The following TRPM8 variants were observed in gnomAD, a reference collection of about 807,000 sequenced individuals.
TRPM8 encodes the protein TRPM8 cationic channel.
Under a neutral mutation model 133.7 loss-of-function variants are expected in TRPM8, and 110 were observed. The observed-to-expected ratio is 0.82, with a 90% CI of 0.70 to 0.96. The LOEUF (loss-of-function observed/expected upper bound fraction) is 0.96, where lower values mean the gene tolerates loss of function less well. TRPM8 is among the 40% of genes least tolerant of loss of function. The pLI is 0.00. For synonymous variants in TRPM8, 535 were observed against 532.3 expected (o/e 1.01, Z -0.07); for missense variants, 1,291 against 1,379.5 (o/e 0.94, Z 1.02).
At chr2:233,973,519 G>A (rs957953238) in intron 17 of TRPM8, among the ~76,000 whole-genome samples, 18 of 152,154 alleles carry the variant, frequency 1.2e-4, no homozygotes, top group African/African-American at 3.6e-4. Flanking sequence ...GACATTCGTC[G>A]TACTGGATCA....
intron 22 of TRPM8, among the ~76,000 whole-genome samples, chr2:234,005,468 C>G (rs1213954070): frequency 6.6e-6 from 1 of 152,070 alleles, no homozygotes; most frequent in Admixed American, 6.5e-5. Flanking sequence ...TTTAAGCACT[C>G]CTGTTGGACT....
At chr2:233,927,225 G>C (rs1000757529) in intron 2 of TRPM8, among the ~76,000 whole-genome samples, 1 of 152,218 alleles carries the variant, frequency 6.6e-6, no homozygotes, top group African/African-American at 2.4e-5. Context: ...TCGGGATAGC[G>C]GCTAGCTTTG....
intron 1 of TRPM8, among the ~76,000 whole-genome samples, chr2:233,925,899 G>C (rs1404117818): frequency 6.6e-6 from 1 of 152,046 alleles, no homozygotes; most frequent in Admixed American, 6.5e-5. Flanking sequence ...GAGAAAAACA[G>C]AGCAGGGACC....
intron 3 of TRPM8, among the ~76,000 whole-genome samples, 159 bp downstream of exon 3, chr2:233,930,900 T>C (rs1180261712): frequency 2.0e-5 from 3 of 152,230 alleles, no homozygotes; most frequent in African/African-American, 7.2e-5. Flanking sequence ...GCAAGGAGCT[T>C]ATAGTTGTTA....
chr2:233,960,802 T>C lies in TRPM8; in HGVS notation c.1389T>C (p.Phe463=). The C allele has an allele frequency of 1.9e-6, 3 of 1,614,198 alleles. No individual in the cohort carries two copies. The highest frequency in any genetic ancestry group is 2.5e-6 in the Non-Finnish European group (3 of 1,180,012). ...CTGCTGACCTTCAAGAAGTCATGTT[T>C]ACGGCTCTCATAAAGGACAGACCCA... ...WESADLQEVM[F]TALIKDRPKF... Residue 463 remains phenylalanine (F), a synonymous_variant, in exon 12 of 26, where the codon TTT becomes TTC. Coordinates refer to ENST00000324695, the MANE Select transcript of TRPM8 (RefSeq NM_024080.5).
chr2:233,955,067 C>G (rs771450140), intron 10 of TRPM8, 65 bp from the exon 11 acceptor site: 19 of 1,227,702 alleles, frequency 1.5e-5, no homozygotes, highest in Non-Finnish European at 2.0e-5. Context: ...ATTGGCCACA[C>G]TGAATGGTTC....
At chr2:233,952,447 G>C (rs1171071626) in intron 9 of TRPM8, among the ~76,000 whole-genome samples, 1 of 151,952 alleles carries the variant, frequency 6.6e-6, no homozygotes, top group African/African-American at 2.4e-5. Flanking sequence ...AGGATGGAGA[G>C]AGTTAACGAG....
intron 5 of TRPM8, among the ~76,000 whole-genome samples, chr2:233,940,384 G>A (rs1228266574): frequency 6.6e-6 from 1 of 151,666 alleles, no homozygotes; most frequent in Non-Finnish European, 1.5e-5. Context: ...GAACACTGTG[G>A]GTTGTCACTT....
At chr2:233,935,943 A>AT (rs775367396) in intron 3 of TRPM8, among the ~76,000 whole-genome samples, 5 of 151,924 alleles carry the variant, frequency 3.3e-5, no homozygotes, top group Non-Finnish European at 7.4e-5. Context: ...GTGTTTTTAG[A>AT]TTTTTTTTAA....
At chr2:233,986,249 G>A (rs1016062) in intron 21 of TRPM8, among the ~76,000 whole-genome samples, 23,570 of 152,098 alleles carry the variant, frequency 0.15, 2,034 homozygotes, top group East Asian at 0.42. Context: ...ATGGATTCTA[G>A]GATTACAGGA....
chr2:233,978,521 T>C (rs929898499), intron 17 of TRPM8, among the ~76,000 whole-genome samples: 1 of 152,210 alleles, frequency 6.6e-6, no homozygotes, highest in Non-Finnish European at 1.5e-5. Flanking sequence ...GTTCCTGGTT[T>C]TACAAAAACA....
At chr2:233,958,492 C>T (rs1387211888) in intron 11 of TRPM8, among the ~76,000 whole-genome samples, 1 of 152,156 alleles carries the variant, frequency 6.6e-6, no homozygotes, top group African/African-American at 2.4e-5. Context: ...TGCAGAAATT[C>T]CAATACTGAC....
At chr2:233,954,156 C>A in intron 10 of TRPM8, 137 bp downstream of exon 10, 1 of 540,828 alleles carries the variant, frequency 1.8e-6, no homozygotes, top group Non-Finnish European at 3.2e-6. Flanking sequence ...AGATTGGAAG[C>A]TAGAATAACT....
chr2:233,950,928 C>T (rs1045173757), intron 9 of TRPM8, among the ~76,000 whole-genome samples: 4 of 152,152 alleles, frequency 2.6e-5, no homozygotes, highest in Non-Finnish European at 4.4e-5. Context: ...GGGCTGGGTG[C>T]AATGACTCAT....
intron 22 of TRPM8, among the ~76,000 whole-genome samples, chr2:233,997,896 G>T (rs889185418): frequency 1.3e-5 from 2 of 152,152 alleles, no homozygotes; most frequent in Non-Finnish European, 2.9e-5. Flanking sequence ...TCCTTTGAAT[G>T]CAGGGAGCCA....
intron 2 of TRPM8, among the ~76,000 whole-genome samples, chr2:233,928,751 G>A (rs1691621124): frequency 6.6e-6 from 1 of 152,136 alleles, no homozygotes; most frequent in African/African-American, 2.4e-5. Context: ...TGAAAAGAAT[G>A]CTCTTGTGCC....
At chr2:233,962,494 T>G in intron 12 of TRPM8, among the ~76,000 whole-genome samples, 1 of 152,184 alleles carries the variant, frequency 6.6e-6, no homozygotes, top group South Asian at 2.1e-4. Context: ...AATAAACGAC[T>G]TGCCTCAAAT....
chr2:233,983,071 T>C lies in TRPM8; in HGVS notation c.2608T>C (p.Phe870Leu), dbSNP rs777282323. The change falls in exon 20 of 26, where the codon TTC becomes CTC. Residue 870 changes from phenylalanine (F) to leucine (L), a missense_variant. Phe to Leu is a conservative substitution (Grantham distance 22, BLOSUM62 0). This residue lies in a region of TRPM8 where 328 missense variants were observed against 410.6 expected (regional missense o/e 0.80). Coordinates refer to ENST00000324695, the MANE Select transcript of TRPM8 (RefSeq NM_024080.5). ...LQRMLIDVFF[F>L]LFLFAVWMVA... is the part of the protein sequence containing the mutation. ...CTGACAGCTGATCGATGTGTTCTTC[T>C]TCCTGTTCCTCTTTGCGGTGTGGAT... The C allele has an allele frequency of 1.2e-6, 2 of 1,613,788 alleles. No homozygotes were observed. The highest frequency in any genetic ancestry group is 2.2e-5 in the South Asian group (2 of 91,070).
chr2:233,939,538 T>C (rs1276298016), intron 5 of TRPM8, among the ~76,000 whole-genome samples: 1 of 152,216 alleles, frequency 6.6e-6, no homozygotes, highest in Non-Finnish European at 1.5e-5. Context: ...GTGAGATCGG[T>C]GATGCACTTT....
Sources: allele counts gnomAD v4.1 joint callset (sites outside exome capture counted in the v4.1 genomes callset), GRCh38; gene constraint gnomAD v4.1.1; regional missense constraint gnomAD v4.1.1; transcripts MANE v1.5; gene names NCBI Gene and HGNC (gene_info 2026-07-23, HGNC 2026-07-21).